WWOX: variants seen among roughly 807,000 people sequenced by gnomAD.
The protein encoded by WWOX is WW domain-containing oxidoreductase.
A neutral mutation model predicts 46.2 loss-of-function variants in WWOX; 69 were observed. The observed-to-expected ratio is 1.49, with a 90% CI of 1.23 to 1.82. The LOEUF (loss-of-function observed/expected upper bound fraction) is 1.82. WWOX is among the 40% of genes most tolerant of loss of function. WWOX has a pLI of 0.00. For synonymous variants in WWOX, 359 were observed against 202.6 expected (o/e 1.77, Z -6.56); for missense variants, 919 against 542.6 (o/e 1.69, Z -6.89).
chr16:78,644,533 C>A (rs888120496), intron 8 of WWOX, among the ~76,000 whole-genome samples: 3 of 152,058 alleles, frequency 2.0e-5, no homozygotes, highest in African/African-American at 7.2e-5. Flanking sequence ...GCAAACTCAG[C>A]TCACTGCAAC....
intron 8 of WWOX, among the ~76,000 whole-genome samples, chr16:78,827,295 G>T (rs1031471751): frequency 2.0e-5 from 3 of 152,164 alleles, no homozygotes; most frequent in African/African-American, 4.8e-5. Context: ...GCTTCACGCA[G>T]ATGACATCAA....
At chr16:78,446,210 T>C (rs542236716) in intron 8 of WWOX, among the ~76,000 whole-genome samples, 52 of 152,330 alleles carry the variant, frequency 3.4e-4, no homozygotes, top group Non-Finnish European at 6.5e-4. Context: ...TACATCATAC[T>C]TGAGACCATG....
intron 8 of WWOX, among the ~76,000 whole-genome samples, chr16:78,536,821 A>G (rs1432537683): frequency 6.6e-6 from 1 of 150,690 alleles, no homozygotes; most frequent in Non-Finnish European, 1.5e-5. Context: ...ATGTCTGTGT[A>G]GCTTCATCAT....
chr16:78,355,694 G>A (rs897657786), intron 5 of WWOX: 52 of 736,282 alleles, frequency 7.1e-5, no homozygotes, highest in Admixed American at 3.2e-4. Context: ...CTTGGGAGAC[G>A]TGGAAGAAAC....
chr16:78,907,094 A>C (rs1476244436), intron 8 of WWOX, among the ~76,000 whole-genome samples: 1 of 152,102 alleles, frequency 6.6e-6, no homozygotes, highest in African/African-American at 2.4e-5. Context: ...TTGTTACTCA[A>C]ATCAGCTTTC....
At chr16:78,124,035 A>G (rs1389893631) in intron 4 of WWOX, 1 of 152,152 alleles carries the variant, frequency 6.6e-6, no homozygotes, top group Non-Finnish European at 1.5e-5. Context: ...GAGGCAGCCC[A>G]TTAATCGCAT....
chr16:78,323,940 A>G (rs1219372499), intron 5 of WWOX, among the ~76,000 whole-genome samples: 1 of 152,310 alleles, frequency 6.6e-6, no homozygotes, highest in East Asian at 1.9e-4. Flanking sequence ...TTTACTGAGC[A>G]GCAGCTGGGT....
chr16:78,611,077 T>C (rs948944727), intron 8 of WWOX, among the ~76,000 whole-genome samples: 9 of 152,178 alleles, frequency 5.9e-5, no homozygotes, highest in African/African-American at 1.9e-4. Context: ...AACAAGTAAA[T>C]GTATATCCCA....
intron 8 of WWOX, among the ~76,000 whole-genome samples, chr16:78,821,662 T>G (rs1055841423): frequency 6.6e-6 from 1 of 152,186 alleles, no homozygotes; most frequent in Admixed American, 6.5e-5. Flanking sequence ...AGGCATGTGG[T>G]CGTTCACAGG....
chr16:79,005,447 T>C (rs2347082), intron 8 of WWOX, among the ~76,000 whole-genome samples: 14,442 of 152,228 alleles, frequency 0.095, 2,057 homozygotes, highest in African/African-American at 0.31. Flanking sequence ...CAGAACTGTA[T>C]TTTCCCACAG....
At chr16:78,519,849 GAAAT>G in intron 8 of WWOX, among the ~76,000 whole-genome samples, 1 of 152,260 alleles carries the variant, frequency 6.6e-6, no homozygotes, top group African/African-American at 2.4e-5. Context: ...AGAACTGTGA[GAAAT>G]AAATTTGTTA....
At chr16:79,210,201 G>A (rs144035447) in intron 8 of WWOX, among the ~76,000 whole-genome samples, 5 of 152,260 alleles carry the variant, frequency 3.3e-5, no homozygotes, top group East Asian at 3.9e-4. Context: ...CAACTCCATT[G>A]TTACTAGATA....
At chr16:78,918,782 C>T (rs748088077) in intron 8 of WWOX, among the ~76,000 whole-genome samples, 8 of 152,192 alleles carry the variant, frequency 5.3e-5, no homozygotes, top group Non-Finnish European at 8.8e-5. Flanking sequence ...AGTCAAGTTA[C>T]TTGTCTAAGC....
intron 8 of WWOX, among the ~76,000 whole-genome samples, chr16:78,906,840 A>G (rs1398241060): frequency 6.6e-6 from 1 of 152,220 alleles, no homozygotes; most frequent in Admixed American, 6.5e-5. Flanking sequence ...GCAGTAGGTG[A>G]AGTTAGGAAT....
chr16:78,156,722 G>A (rs1331768805), intron 4 of WWOX, among the ~76,000 whole-genome samples: 3 of 152,100 alleles, frequency 2.0e-5, no homozygotes, highest in Non-Finnish European at 4.4e-5. Flanking sequence ...TTAGGAGTTC[G>A]AGAGCAGCCT....
chr16:78,215,936 A>G lies in WWOX; in HGVS notation c.516+51647A>G, dbSNP rs538298692. Among the ~76,000 whole-genome samples the G allele has an allele frequency of 4.0e-4, 61 of 151,960 alleles. No individual in the cohort carries two copies. The South Asian group carries it at 6.4e-3, about 16-fold the overall frequency. On this transcript the variant is annotated intron_variant, in intron 5 of 8. Transcript: ENST00000566780. ...ATCTCAAAAAAAAAAAAAGAGAAAG[A>G]AAACAGATTAATACAATGATCTGTG...
intron 5 of WWOX, among the ~76,000 whole-genome samples, chr16:78,296,977 G>A (rs572230474): frequency 2.0e-5 from 3 of 152,236 alleles, no homozygotes; most frequent in Admixed American, 2.0e-4. Context: ...TTGCTTATTT[G>A]CTAATGATTC....
chr16:78,314,787 G>A (rs950666779), intron 5 of WWOX, among the ~76,000 whole-genome samples: 1 of 141,788 alleles, frequency 7.1e-6, no homozygotes, highest in Non-Finnish European at 1.5e-5. Flanking sequence ...CCTGACCTTA[G>A]GCAAGCCACC....
At chr16:78,527,146 A>T (rs545803758) in intron 8 of WWOX, among the ~76,000 whole-genome samples, 3 of 152,270 alleles carry the variant, frequency 2.0e-5, no homozygotes, top group Admixed American at 1.3e-4. Context: ...CTGGGCAAAA[A>T]GAGCGGGGTA....
Sources: allele counts gnomAD v4.1 joint callset (sites outside exome capture counted in the v4.1 genomes callset), GRCh38; gene constraint gnomAD v4.1.1; transcripts MANE v1.5; gene names NCBI Gene and HGNC (gene_info 2026-07-23, HGNC 2026-07-21).